The following NDUFA10 variants were observed in gnomAD, a reference collection of about 807,000 sequenced individuals.
The protein encoded by NDUFA10 is NADH dehydrogenase [ubiquinone] 1 alpha subcomplex subunit 10, mitochondrial.
NDUFA10 carries 40 observed loss-of-function variants against 47.8 expected under a neutral mutation model. The ratio of observed to expected loss-of-function variants is 0.84; its 90% CI spans 0.65 to 1.09. The LOEUF is 1.09. Ranked by LOEUF, NDUFA10 falls within the 50% of genes least tolerant of loss-of-function variation. The probability of loss-of-function intolerance (pLI) is 0.00; values close to 1 mark genes in which losing one functional copy is unlikely to be tolerated. For synonymous variants in NDUFA10, 183 were observed against 172.2 expected (o/e 1.06, Z -0.49); for missense variants, 413 against 451.1 (o/e 0.92, Z 0.76).
chr2:239,988,784 G>A (rs557649709), intron 9 of NDUFA10, among the ~76,000 whole-genome samples: 10 of 152,196 alleles, frequency 6.6e-5, no homozygotes, highest in Non-Finnish European at 1.2e-4. Flanking sequence ...CAGCAAATCC[G>A]CAGAGCCCCA....
intron 4 of NDUFA10, among the ~76,000 whole-genome samples, chr2:239,899,942 G>A (rs1200721711): frequency 6.6e-6 from 1 of 151,874 alleles, no homozygotes; most frequent in East Asian, 1.9e-4. Context: ...AAAGTCACTA[G>A]CCTGGGAAGT....
At chr2:239,977,542 T>G (rs1695581116) in intron 9 of NDUFA10, among the ~76,000 whole-genome samples, 1 of 152,066 alleles carries the variant, frequency 6.6e-6, no homozygotes, top group African/African-American at 2.4e-5. Context: ...GCTCCACAGC[T>G]GGACGACCGT....
At chr2:239,961,637 C>T (rs1694855574) in intron 9 of NDUFA10, among the ~76,000 whole-genome samples, 2 of 152,224 alleles carry the variant, frequency 1.3e-5, no homozygotes, top group Admixed American at 6.5e-5. Context: ...CTGAAGAGGG[C>T]CTGCAGAGGC....
At chr2:239,969,231 T>C (rs1459171189) in intron 9 of NDUFA10, among the ~76,000 whole-genome samples, 1 of 152,164 alleles carries the variant, frequency 6.6e-6, no homozygotes, top group African/African-American at 2.4e-5. Flanking sequence ...GTTATAAAAA[T>C]GTTCAGTATG....
chr2:239,915,963 T>A (rs10933574), intron 4 of NDUFA10, among the ~76,000 whole-genome samples: 1 of 93,640 alleles, frequency 1.1e-5, no homozygotes, highest in Non-Finnish European at 2.2e-5. Flanking sequence ...CAGAGATACA[T>A]GGACATACAC....
chr2:239,965,965 T>C (rs1695042683), intron 9 of NDUFA10, among the ~76,000 whole-genome samples: 1 of 152,262 alleles, frequency 6.6e-6, no homozygotes, highest in Non-Finnish European at 1.5e-5. Flanking sequence ...CAGGAGGCTC[T>C]TTCCCTGTAT....
chr2:240,011,657 T>C lies in NDUFA10; in HGVS notation c.709A>G (p.Ile237Val). Residue 237 changes from isoleucine to valine, a missense_variant, in exon 6 of 10, where the codon ATT becomes GTT. By Grantham distance (29) the Ile-to-Val change is conservative. Coordinates refer to ENST00000252711, the MANE Select transcript of NDUFA10 (RefSeq NM_004544.4). ...MKITSAYLQD[I>V]ENAYKKTFLP... ...AAGGTTTTCTTATAGGCATTCTCAA[T>C]GTCCTGTAGATAGGCAGAGGTGATC... The C allele has an allele frequency of 1.9e-6, 3 of 1,613,700 alleles. No individual in the cohort carries two copies. The highest frequency in any genetic ancestry group is 2.5e-6 in the Non-Finnish European group (3 of 1,179,576).
chr2:239,903,645 A>G (rs1169482981), intron 4 of NDUFA10, among the ~76,000 whole-genome samples: 1 of 152,244 alleles, frequency 6.6e-6, no homozygotes, highest in Non-Finnish European at 1.5e-5. Flanking sequence ...AATTATACCT[A>G]TTATATGTAT....
intron 4 of NDUFA10, among the ~76,000 whole-genome samples, chr2:239,938,597 C>A (rs1302305461): frequency 6.6e-6 from 1 of 152,170 alleles, no homozygotes; most frequent in Non-Finnish European, 1.5e-5. Flanking sequence ...TGCTCCCGGG[C>A]AGCTGTGGTT....
chr2:239,964,686 C>G (rs1402569677), intron 9 of NDUFA10, among the ~76,000 whole-genome samples: 1 of 152,166 alleles, frequency 6.6e-6, no homozygotes, highest in Non-Finnish European at 1.5e-5. Flanking sequence ...AGCAGCAAGG[C>G]CCTCCAGGAA....
chr2:239,954,110 TG>T (rs1694608259), downstream of NDUFA10, among the ~76,000 whole-genome samples: 1 of 142,922 alleles, frequency 7.0e-6, no homozygotes, highest in African/African-American at 2.7e-5. Flanking sequence ...CCAGGCCAGC[TG>T]AGTGACCACC....
At chr2:239,988,808 A>G (rs1030779491) in intron 9 of NDUFA10, among the ~76,000 whole-genome samples, 1 of 152,216 alleles carries the variant, frequency 6.6e-6, no homozygotes, top group Admixed American at 6.5e-5. Flanking sequence ...AAAGAGGGAG[A>G]AACAGCACAT....
chr2:239,969,435 C>CCTGACCCTGCATCTG (rs6147258), intron 9 of NDUFA10: 233,104 of 313,082 alleles, frequency 0.74, 87,964 homozygotes, highest in African/African-American at 0.87. Flanking sequence ...TCCTGCTGCT[C>CCTGACCCTGCATCTG]CTGACCCTCA....
chr2:240,003,636 C>T (rs1397084664), intron 8 of NDUFA10, among the ~76,000 whole-genome samples: 1 of 152,250 alleles, frequency 6.6e-6, no homozygotes, highest in East Asian at 1.9e-4. Flanking sequence ...TACAACAGCA[C>T]TTCTCATTAC....
chr2:239,931,628 A>T (rs1317834246), intron 4 of NDUFA10, among the ~76,000 whole-genome samples: 1 of 152,172 alleles, frequency 6.6e-6, no homozygotes, highest in African/African-American at 2.4e-5. Flanking sequence ...GGCACACAGC[A>T]GGTGCCCAGT....
At chr2:240,021,057 TC>T in intron 3 of NDUFA10, 139 bp downstream of exon 3, 1 of 728,942 alleles carries the variant, frequency 1.4e-6, no homozygotes, top group South Asian at 1.5e-5. Context: ...CTCAAGAAAT[TC>T]ATGATCTTGT....
chr2:239,977,082 C>T (rs1236595359), intron 9 of NDUFA10, among the ~76,000 whole-genome samples: 1 of 152,098 alleles, frequency 6.6e-6, no homozygotes, highest in Non-Finnish European at 1.5e-5. Context: ...AACCTTCCCC[C>T]GCCAAGCAGA....
chr2:240,008,920 T>C (rs1697042816), intron 6 of NDUFA10, among the ~76,000 whole-genome samples: 1 of 152,182 alleles, frequency 6.6e-6, no homozygotes, highest in Non-Finnish European at 1.5e-5. Flanking sequence ...CTCCGTCCAG[T>C]CACACCTGCC....
At position 239,928,974 on chromosome 2, in the gene NDUFA10, C is replaced by A. The variant is rs1407207433; in HGVS notation, c.295-33660G>T. On this transcript the variant is annotated intron_variant, in intron 4 of 5. Coordinates refer to the NDUFA10 transcript ENST00000419408. This position sits in a 1 kb window ranked among gnomAD's most constrained non-coding sequence, Gnocchi z 4.3. ...CAGGAGCCCCCGACTCTTCCTCCTGCACCTACTCCTGTCTCTGTCCAGTGC... is the reference window on the plus strand; with the variant it reads ...CAGGAGCCCCCGACTCTTCCTCCTGAACCTACTCCTGTCTCTGTCCAGTGC... Among the ~76,000 whole-genome samples the A allele has an allele frequency of 6.6e-6, 1 of 152,234 alleles. No homozygotes were observed. The highest frequency in any genetic ancestry group is 1.5e-5 in the Non-Finnish European group (1 of 68,046).
Sources: allele counts gnomAD v4.1 joint callset (sites outside exome capture counted in the v4.1 genomes callset), GRCh38; gene constraint gnomAD v4.1.1; non-coding constraint Gnocchi (gnomAD v3.1); transcripts MANE v1.5; gene names NCBI Gene and HGNC (gene_info 2026-07-23, HGNC 2026-07-21).